The following BACE2 variants were observed in gnomAD, a reference collection of about 807,000 sequenced individuals.
The protein encoded by BACE2 is 56 kDa aspartic-like protease.
In BACE2, 17 loss-of-function variants were observed where a neutral mutation model predicts 46.2. The observed-to-expected ratio is 0.37, with a 90% CI of 0.25 to 0.55. The LOEUF (loss-of-function observed/expected upper bound fraction) is 0.55. Among genes scored for constraint, BACE2 ranks in the 20% least tolerant of loss-of-function variants. BACE2 has a pLI of 0.82. For synonymous variants in BACE2, 277 were observed against 295.9 expected (o/e 0.94, Z 0.66); for missense variants, 595 against 698.1 (o/e 0.85, Z 1.66).
chr21:41,183,747 C>T (rs1985237859), intron 1 of BACE2: 1 of 167,082 alleles, frequency 6.0e-6, no homozygotes, highest in African/African-American at 2.4e-5. Context: ...CTAAGCAGCT[C>T]ACTGGGGCTA....
rs1381876146 is a variant in BACE2 at position 41,276,860 on chromosome 21, T to G, written c.*1236T>G. The G allele has an allele frequency of 6.6e-6, 1 of 152,274 alleles. No homozygotes were observed. The highest frequency in any genetic ancestry group is 1.9e-4 in the East Asian group (1 of 5,186). The allele number at this position is 152,274 out of a possible 1,614,324, so 9.4% of individuals were successfully genotyped here. A position where few individuals can be genotyped will look rare whatever the true frequency, so the allele number is the denominator to read the frequency against. On this transcript the variant is annotated 3_prime_UTR_variant, in exon 9 of 9. Coordinates refer to ENST00000330333, the MANE Select transcript of BACE2 (RefSeq NM_012105.5). ...TTGTTCAGCAGTTGACCTCTGTGCT[T>G]CTTCCTTTGGGGGTGTTTAATCTTT...
chr21:41,227,756 G>A (rs973813245), intron 2 of BACE2, among the ~76,000 whole-genome samples: 1 of 152,190 alleles, frequency 6.6e-6, no homozygotes, highest in Non-Finnish European at 1.5e-5. Flanking sequence ...TCCTGCCTAT[G>A]ATCACTATGT....
intron 1 of BACE2, among the ~76,000 whole-genome samples, chr21:41,203,568 C>T (rs897404574): frequency 6.6e-6 from 1 of 152,088 alleles, no homozygotes; most frequent in Non-Finnish European, 1.5e-5. Flanking sequence ...AATGGAGATG[C>T]CATTCCTAAT....
intron 2 of BACE2, among the ~76,000 whole-genome samples, chr21:41,230,693 G>A (rs553347154): frequency 4.6e-5 from 7 of 152,160 alleles, no homozygotes; most frequent in South Asian, 2.1e-4. Flanking sequence ...GAGATTTGGC[G>A]TGGGGTTCTT....
chr21:41,253,163 C>T lies in BACE2; in HGVS notation c.1134+2262C>T, dbSNP rs188527683. On this transcript the variant is annotated intron_variant, in intron 7 of 8. Coordinates refer to ENST00000330333, the MANE Select transcript of BACE2 (RefSeq NM_012105.5). ...ATCTTTAAAATCATGTGCTCTTGGC[C>T]GGGCGCAGTGGCTCATGCCTGTAAT... Among the ~76,000 whole-genome samples, 20 of 152,172 alleles carry T rather than the reference C, an allele frequency of 1.3e-4. 1 individual carries two copies. The highest frequency in any genetic ancestry group is 1.0e-3 in the South Asian group (5 of 4,816).
intron 8 of BACE2, among the ~76,000 whole-genome samples, chr21:41,271,441 G>A (rs75957042): frequency 0.017 from 2,604 of 152,144 alleles, 86 homozygotes; most frequent in African/African-American, 0.06. Flanking sequence ...GGCCCTTTAC[G>A]GAAAAAGTTT....
chr21:41,239,108 T>C (rs1217421323), intron 3 of BACE2, among the ~76,000 whole-genome samples: 2 of 151,274 alleles, frequency 1.3e-5, no homozygotes, highest in Non-Finnish European at 2.9e-5. Context: ...GCTGGAGCAA[T>C]AGGCCCCCAC....
At chr21:41,270,703 T>C (rs1200701949) in intron 8 of BACE2, among the ~76,000 whole-genome samples, 1 of 152,252 alleles carries the variant, frequency 6.6e-6, no homozygotes, top group Non-Finnish European at 1.5e-5. Flanking sequence ...CTTTTGAAAT[T>C]TATTGAAACT....
At chr21:41,198,364 AGCCTT>A in intron 1 of BACE2, among the ~76,000 whole-genome samples, 1 of 152,318 alleles carries the variant, frequency 6.6e-6, no homozygotes, top group East Asian at 1.9e-4. Context: ...AGAATTCTGA[AGCCTT>A]GCGGGGAATG....
At position 41,246,053 on chromosome 21, in the gene BACE2, G is replaced by A. The variant is rs375722579; in HGVS notation, c.974G>A (p.Arg325His). The change falls in exon 6 of 9, where the codon CGC becomes CAC. Residue 325 changes from arginine (R) to histidine (H), a missense_variant. Transcript: ENST00000330333. The part of the protein sequence containing the change: ...VFDAVVEAVA[R>H]ASLIPEFSDG... ...GATGCGGTGGTGGAAGCTGTGGCCC[G>A]CGCATCTCTGGTGAGTCCTCGGGAC... The A allele has an allele frequency of 1.2e-4, 194 of 1,601,934 alleles. No homozygotes were observed. Among genetic ancestry groups the A allele is most frequent in the Middle Eastern group, 5.0e-4 (3 of 6,042 alleles).
chr21:41,198,706 CT>C (rs1239941263), intron 1 of BACE2, among the ~76,000 whole-genome samples: 1 of 151,890 alleles, frequency 6.6e-6, no homozygotes, highest in African/African-American at 2.4e-5. Context: ...CACCACTGCC[CT>C]TTTTTTTGTT....
chr21:41,259,093 T>C (rs1987863016), intron 8 of BACE2, among the ~76,000 whole-genome samples: 1 of 152,244 alleles, frequency 6.6e-6, no homozygotes, highest in Non-Finnish European at 1.5e-5. Flanking sequence ...GAGGGTCCAC[T>C]TAATACTGCA....
At chr21:41,198,854 TTTATTTATTTATTTATTTA>T (rs1985838455) in intron 1 of BACE2, among the ~76,000 whole-genome samples, 3 of 136,666 alleles carry the variant, frequency 2.2e-5, no homozygotes, top group African/African-American at 7.6e-5. Context: ...ACGCTTTTTA[TTTATTTATTTATTTATTTA>T]TTTATTTATT....
chr21:41,242,086 T>C, intron 4 of BACE2, 139 bp downstream of exon 4: 1 of 1,118,132 alleles, frequency 8.9e-7, no homozygotes, highest in African/African-American at 1.6e-5. Flanking sequence ...CTCCTTGTAG[T>C]AGATCTTTTT....
rs1192295839 is a variant in BACE2 at position 41,193,081 on chromosome 21, CATA to C, written c.312+24509_312+24511del. ...CTTCTTGCTCACTGGATCCAATCAG[CATA>C]ATGTCATCAAACTAATGGACCAGTG... On this transcript the variant is annotated intron_variant, in intron 1 of 8. Coordinates refer to ENST00000330333, the MANE Select transcript of BACE2 (RefSeq NM_012105.5). This position sits in a 1 kb window ranked among gnomAD's most constrained non-coding sequence, Gnocchi z 4.2. 1.3e-5 allele frequency among the ~76,000 whole-genome samples: 2 copies of C among 152,206 alleles called. No individual in the cohort carries two copies. Among genetic ancestry groups the C allele is most frequent in the African/African-American group, 2.4e-5 (1 of 41,454 alleles).
At chr21:41,179,654 T>C (rs1401915851) in intron 1 of BACE2, 1 of 1,357,114 alleles carries the variant, frequency 7.4e-7, no homozygotes, top group Non-Finnish European at 9.8e-7. Context: ...GCTCTGAGGT[T>C]AGATTTTAGT....
rs188480689 is a variant in BACE2 at position 41,216,672 on chromosome 21, G to A, written c.313-9594G>A. ...CAGAGGGAGGGAAGCAGGGTGAAGC[G>A]TCTCTGGAGAGAGTCCCCCTGTCAC... On this transcript the variant is annotated intron_variant, in intron 1 of 8. Transcript: ENST00000330333. 5.8e-3 allele frequency among the ~76,000 whole-genome samples: 890 copies of A among 152,300 alleles called. 11 individuals carry two copies. The highest frequency in any genetic ancestry group is 5.7e-3 in the Admixed American group (87 of 15,306).
intron 1 of BACE2, among the ~76,000 whole-genome samples, chr21:41,201,484 G>A (rs1226580699): frequency 6.6e-6 from 1 of 152,210 alleles, no homozygotes; most frequent in Non-Finnish European, 1.5e-5. Flanking sequence ...GGAATGTTTG[G>A]TACAAAACCC....
At chr21:41,232,470 A>G (rs1986994137) in intron 2 of BACE2, among the ~76,000 whole-genome samples, 1 of 152,190 alleles carries the variant, frequency 6.6e-6, no homozygotes, top group African/African-American at 2.4e-5. Flanking sequence ...TTTGGGTGCA[A>G]ATCTCATGTT....
Sources: gnomAD v4.1 joint callset for allele counts (sites outside exome capture counted in the v4.1 genomes callset) on GRCh38, gnomAD v4.1.1 for gene constraint, Gnocchi (gnomAD v3.1) non-coding constraint, MANE v1.5 for transcripts, NCBI Gene and HGNC (gene_info 2026-07-23, HGNC 2026-07-21) for gene names.